Variants in CRHR2 observed in about 807,000 individuals in gnomAD.
CRHR2 encodes corticotropin-releasing hormone receptor 2.
CRHR2 carries 53 observed loss-of-function variants against 57.9 expected under a neutral mutation model. That is an observed-to-expected ratio of 0.92 (90% CI 0.73 to 1.15). CRHR2 has a LOEUF of 1.15. Ranked by LOEUF, CRHR2 falls within the 50% of genes most tolerant of loss-of-function variation. The pLI is 0.00. For missense variants in CRHR2, 532 were observed against 542.6 expected (o/e 0.98, Z 0.19); for synonymous variants, 213 against 220.9 (o/e 0.96, Z 0.32).
rs550502361 is a variant in CRHR2, at chr7:30,665,124, A to G, written c.489T>C (p.Asn163=). ...WNLITTFILR[N]VMWFLLQLVD... is the part of the protein sequence containing the mutation. ...CGAGCTGCAGCAGGAACCACATGAC[A>G]TTTCGCAGGATAAAGGTGGTGATGA... Residue 163 remains asparagine (N), a synonymous_variant, in exon 5 of 12, where the codon AAT becomes AAC. Coordinates refer to ENST00000471646, the MANE Select transcript of CRHR2 (RefSeq NM_001883.5). This position sits in a 1 kb window ranked among gnomAD's most constrained non-coding sequence, Gnocchi z 4.5. The G allele has an allele frequency of 1.3e-5, 21 of 1,614,046 alleles. No individual in the cohort carries two copies. The African/African-American group carries it at 2.0e-4, about 15-fold the overall frequency.
chr7:30,676,509 C>G (rs183587202), intron 2 of CRHR2, among the ~76,000 whole-genome samples: 19 of 152,326 alleles, frequency 1.2e-4, no homozygotes, highest in African/African-American at 4.3e-4. Context: ...CTGCGCCTGT[C>G]CTTAACAAAT....
intron 8 of CRHR2, among the ~76,000 whole-genome samples, chr7:30,658,931 A>G (rs548062522): frequency 2.2e-4 from 33 of 152,124 alleles, no homozygotes; most frequent in South Asian, 1.0e-3. Context: ...CACGTGTCCA[A>G]CCTCGAGGAC....
chr7:30,683,622 G>A (rs977432680), upstream of CRHR2, among the ~76,000 whole-genome samples: 1 of 152,210 alleles, frequency 6.6e-6, no homozygotes, highest in African/African-American at 2.4e-5. Context: ...GGTACCCCAG[G>A]CAGGATGCTT....
chr7:30,690,095 G>T (rs1438128163), intron 1 of CRHR2, among the ~76,000 whole-genome samples: 2 of 152,216 alleles, frequency 1.3e-5, no homozygotes, highest in African/African-American at 4.8e-5. Context: ...GGATAAAGTA[G>T]ATGTGGGCAT....
intron 2 of CRHR2, among the ~76,000 whole-genome samples, chr7:30,675,633 C>T (rs1384556027): frequency 6.6e-6 from 1 of 152,218 alleles, no homozygotes; most frequent in Non-Finnish European, 1.5e-5. Flanking sequence ...CCATCTGACA[C>T]ATCATTAGCT....
intron 2 of CRHR2, among the ~76,000 whole-genome samples, chr7:30,670,369 C>T (rs1195365942): frequency 6.6e-6 from 1 of 152,230 alleles, no homozygotes; most frequent in Admixed American, 6.5e-5. Context: ...TGGACTTGAG[C>T]TCCTTGGGGA....
At chr7:30,659,120 T>C (rs1032620130) in intron 8 of CRHR2, among the ~76,000 whole-genome samples, 2 of 152,212 alleles carry the variant, frequency 1.3e-5, no homozygotes, top group East Asian at 1.9e-4. Flanking sequence ...ATAATGTAGA[T>C]AGAGCTTCTG....
chr7:30,689,606 G>A (rs1784920831), intron 1 of CRHR2, among the ~76,000 whole-genome samples: 1 of 129,412 alleles, frequency 7.7e-6, no homozygotes, highest in Admixed American at 8.6e-5. Context: ...TGTCAGCAAA[G>A]CTGGGTGGGG....
At chr7:30,676,590 C>A (rs1784523856) in intron 2 of CRHR2, among the ~76,000 whole-genome samples, 1 of 152,202 alleles carries the variant, frequency 6.6e-6, no homozygotes, top group South Asian at 2.1e-4. Flanking sequence ...CCAGGAATGT[C>A]CCAGTGTCCA....
At chr7:30,677,285 G>A (rs1409826155) in intron 2 of CRHR2, among the ~76,000 whole-genome samples, 1 of 152,142 alleles carries the variant, frequency 6.6e-6, no homozygotes, top group Non-Finnish European at 1.5e-5. Flanking sequence ...GAGAAAATCA[G>A]AAACAGACAG....
intron 1 of CRHR2, among the ~76,000 whole-genome samples, chr7:30,692,438 T>A (rs1166761408): frequency 6.6e-6 from 1 of 152,124 alleles, no homozygotes; most frequent in Admixed American, 6.5e-5. Context: ...CCCTCAGCGG[T>A]GCTCAGTGAA....
chr7:30,698,265 G>T (rs555702348), intron 1 of CRHR2: 1 of 152,336 alleles, frequency 6.6e-6, no homozygotes, highest in Non-Finnish European at 1.5e-5. Context: ...TCCGGGATCC[G>T]CAGGAGAGCT....
intron 1 of CRHR2, among the ~76,000 whole-genome samples, chr7:30,694,575 G>A (rs1361434674): frequency 6.6e-6 from 1 of 152,174 alleles, no homozygotes; most frequent in African/African-American, 2.4e-5. Context: ...ATGTGTCCTG[G>A]GCCCAGGCTG....
intron 8 of CRHR2, among the ~76,000 whole-genome samples, chr7:30,659,850 T>C (rs1454569925): frequency 6.6e-6 from 1 of 152,232 alleles, no homozygotes; most frequent in East Asian, 1.9e-4. Context: ...AGCTGGTACA[T>C]ACAGGAGCCT....
chr7:30,693,957 C>G (rs1698156127), intron 1 of CRHR2, among the ~76,000 whole-genome samples: 1 of 152,170 alleles, frequency 6.6e-6, no homozygotes, highest in Non-Finnish European at 1.5e-5. Flanking sequence ...CTGATTAGCT[C>G]TTGGCTGTTC....
chr7:30,681,550 G>T (rs1784705610), intron 2 of CRHR2, among the ~76,000 whole-genome samples: 2 of 152,218 alleles, frequency 1.3e-5, no homozygotes, highest in South Asian at 4.1e-4. Flanking sequence ...CCCCTCCTGG[G>T]CAGGGGAAGC....
chr7:30,681,987 G>A lies in CRHR2; in HGVS notation c.157C>T (p.Arg53Cys), dbSNP rs1584128673. The A allele has an allele frequency of 6.2e-7, 1 of 1,608,836 alleles. No homozygotes were observed. The highest frequency in any genetic ancestry group is 8.5e-7 in the Non-Finnish European group (1 of 1,178,160). The stretch of plus-strand genomic sequence containing the variant: ...TCCACGAGGGCTCCGGCAGCGCTGC[G>A]GGGCCAGCACGTTCCGATCTGGTCC... Reference protein sequence around the residue: ...TLDQIGTCWPRSAAGALVERP... With the variant: ...TLDQIGTCWPCSAAGALVERP... The change falls in exon 2 of 12, where the codon CGC becomes TGC. Residue 53 changes from arginine to cysteine, a missense_variant. By Grantham distance (180) the Arg-to-Cys change is radical. Transcript: ENST00000471646.
chr7:30,655,170 G>T, intron 10 of CRHR2, 90 bp from the exon 11 acceptor site: 1 of 1,413,236 alleles, frequency 7.1e-7, no homozygotes, highest in Non-Finnish European at 9.8e-7. Flanking sequence ...AGATGGTGGG[G>T]GGGGGACAAT....
At chr7:30,660,462 G>A in intron 8 of CRHR2, 111 bp downstream of exon 8, 1 of 1,095,816 alleles carries the variant, frequency 9.1e-7, no homozygotes, top group Middle Eastern at 2.7e-4. Context: ...GGCATATAGA[G>A]TGTGTGCGCA....
Sources: allele counts gnomAD v4.1 joint callset (sites outside exome capture counted in the v4.1 genomes callset), GRCh38; gene constraint gnomAD v4.1.1; non-coding constraint Gnocchi (gnomAD v3.1); transcripts MANE v1.5; gene names NCBI Gene and HGNC (gene_info 2026-07-23, HGNC 2026-07-21).